ERG: variants seen among roughly 807,000 people sequenced by gnomAD.
ERG encodes the protein ETS transcription factor ERG.
Under a neutral mutation model 55.3 loss-of-function variants are expected in ERG, and 9 were observed. That is an observed-to-expected ratio of 0.16 (90% confidence interval 0.10 to 0.28). ERG has a LOEUF of 0.28. Among genes scored for constraint, ERG ranks in the 10% least tolerant of loss-of-function variants. The pLI is 1.00. For synonymous variants in ERG, 223 were observed against 237.3 expected (o/e 0.94, Z 0.55); for missense variants, 434 against 631.6 (o/e 0.69, Z 3.35).
At chr21:38,403,730 T>C (rs1295535766) in intron 3 of ERG, 21 bp from the exon 4 acceptor site, 2 of 1,610,012 alleles carry the variant, frequency 1.2e-6, no homozygotes, top group Non-Finnish European at 1.7e-6. Flanking sequence ...TGGGAACACA[T>C]TCAGTCAATT....
chr21:38,396,024 C>A (rs1988195581), intron 6 of ERG, among the ~76,000 whole-genome samples: 1 of 152,304 alleles, frequency 6.6e-6, no homozygotes, highest in Middle Eastern at 3.4e-3. Flanking sequence ...CACACCATAT[C>A]TGCAAAGCAA....
chr21:38,559,594 A>G (rs1334933648), intron 2 of ERG, among the ~76,000 whole-genome samples: 1 of 152,240 alleles, frequency 6.6e-6, no homozygotes, highest in South Asian at 2.1e-4. Flanking sequence ...GGCAGGTAAT[A>G]TAACAAATAG....
chr21:38,469,747 T>C (rs536802135), intron 1 of ERG, among the ~76,000 whole-genome samples: 2 of 152,356 alleles, frequency 1.3e-5, no homozygotes, highest in South Asian at 4.1e-4. Flanking sequence ...TTCACAGGTT[T>C]ATTGTCTATG....
intron 1 of ERG, among the ~76,000 whole-genome samples, 183 bp from the exon 2 acceptor site, chr21:38,445,804 G>T (rs1219828782): frequency 6.6e-6 from 1 of 152,020 alleles, no homozygotes; most frequent in African/African-American, 2.4e-5. Flanking sequence ...GTAAGAGTTA[G>T]AAATGCCAGC....
intron 2 of ERG, among the ~76,000 whole-genome samples, chr21:38,548,833 G>A (rs111331212): frequency 0.08 from 11,936 of 150,044 alleles, 600 homozygotes; most frequent in East Asian, 0.18. Context: ...ACTTTGGGAC[G>A]GGCACAGTGG....
Position 38,383,189 on chromosome 21 carries a change from T to G in ERG, c.*214A>C. Reference sequence around the variant, plus strand: ...GGTCAGTCCACAGATGATATGTCCATATTCGTGACATTTTTAGCATCCTCC... The same window carrying G: ...GGTCAGTCCACAGATGATATGTCCAGATTCGTGACATTTTTAGCATCCTCC... On this transcript the variant is annotated 3_prime_UTR_variant, in exon 10 of 10. Coordinates refer to ENST00000288319, the MANE Select transcript of ERG (RefSeq NM_182918.4). This position sits in a 1 kb window ranked among gnomAD's most constrained non-coding sequence, Gnocchi z 5.7. The G allele has an allele frequency of 7.8e-7, 1 of 1,279,706 alleles. No individual in the cohort carries two copies. The highest frequency in any genetic ancestry group is 2.9e-5 in the East Asian group (1 of 34,914). 79.3% of individuals were successfully genotyped at this position (1,279,706 alleles called of 1,614,324 possible).
At chr21:38,410,044 T>C (rs1407931450) in intron 3 of ERG, among the ~76,000 whole-genome samples, 1 of 152,182 alleles carries the variant, frequency 6.6e-6, no homozygotes, top group Non-Finnish European at 1.5e-5. Flanking sequence ...GGTAATTAAA[T>C]GAAATGTTAG....
At chr21:38,661,205 G>T (rs1357678847) in intron 1 of ERG, among the ~76,000 whole-genome samples, 2 of 152,036 alleles carry the variant, frequency 1.3e-5, no homozygotes, top group African/African-American at 4.8e-5. Context: ...AGCCGCGGGG[G>T]TGCGCGCTCC....
chr21:38,625,997 A>G (rs928610301), intron 1 of ERG, among the ~76,000 whole-genome samples: 1 of 134,092 alleles, frequency 7.5e-6, no homozygotes. Flanking sequence ...ATCTCGGCTC[A>G]CTACAACCTC....
intron 2 of ERG, among the ~76,000 whole-genome samples, chr21:38,512,974 T>C (rs1240991230): frequency 6.6e-6 from 1 of 151,748 alleles, no homozygotes; most frequent in African/African-American, 2.4e-5. Context: ...CTACTAAAAA[T>C]ACAAAAATTA....
intron 3 of ERG, among the ~76,000 whole-genome samples, chr21:38,407,389 A>G (rs973071821): frequency 2.0e-5 from 3 of 152,126 alleles, no homozygotes; most frequent in African/African-American, 7.2e-5. Flanking sequence ...TCAAAATATT[A>G]TTATGATATC....
intron 2 of ERG, among the ~76,000 whole-genome samples, chr21:38,536,242 C>A (rs1254345049): frequency 6.6e-6 from 1 of 152,066 alleles, no homozygotes; most frequent in Non-Finnish European, 1.5e-5. Context: ...GCTTTGGAAG[C>A]CCACCAGAGT....
At chr21:38,599,188 C>T (rs1474880070) in intron 1 of ERG, among the ~76,000 whole-genome samples, 1 of 152,110 alleles carries the variant, frequency 6.6e-6, no homozygotes, top group East Asian at 1.9e-4. Flanking sequence ...ACTGAGCTTC[C>T]ATCCATGGTG....
intron 1 of ERG, among the ~76,000 whole-genome samples, chr21:38,491,057 T>C (rs1311851862): frequency 6.6e-6 from 1 of 152,144 alleles, no homozygotes; most frequent in Non-Finnish European, 1.5e-5. Context: ...CAAAACCACA[T>C]ACTTTTTTTT....
intron 9 of ERG, among the ~76,000 whole-genome samples, chr21:38,384,390 C>G (rs1601315211): frequency 6.6e-6 from 1 of 152,178 alleles, no homozygotes. Flanking sequence ...CCTGCACAAG[C>G]AGGCTTACCC....
chr21:38,445,181 G>A (rs1348458524), intron 2 of ERG, among the ~76,000 whole-genome samples: 5 of 135,156 alleles, frequency 3.7e-5, no homozygotes, highest in African/African-American at 1.4e-4. Context: ...TTGCTCTGTC[G>A]CCCAGGCTGG....
chr21:38,522,938 C>A (rs927924388), intron 2 of ERG, among the ~76,000 whole-genome samples: 2 of 152,064 alleles, frequency 1.3e-5, no homozygotes, highest in African/African-American at 2.4e-5. Flanking sequence ...ATAAGCTGTA[C>A]GAAATTATTT....
chr21:38,590,023 T>A (rs1227215619), intron 1 of ERG, among the ~76,000 whole-genome samples: 2 of 152,180 alleles, frequency 1.3e-5, no homozygotes, highest in Admixed American at 6.5e-5. Context: ...AATTTTAAAA[T>A]AAAATGATCT....
At chr21:38,572,384 A>C (rs1467446359) in intron 2 of ERG, among the ~76,000 whole-genome samples, 1 of 151,018 alleles carries the variant, frequency 6.6e-6, no homozygotes, top group East Asian at 1.9e-4. Flanking sequence ...AAAAAAAAAA[A>C]AAGAACTTCC....
Sources: gnomAD v4.1 joint callset for allele counts (sites outside exome capture counted in the v4.1 genomes callset) on GRCh38, gnomAD v4.1.1 for gene constraint, Gnocchi (gnomAD v3.1) non-coding constraint, MANE v1.5 for transcripts, NCBI Gene and HGNC (gene_info 2026-07-23, HGNC 2026-07-21) for gene names.